SYNPR: variants seen among roughly 807,000 people sequenced by gnomAD.
SYNPR encodes synaptoporin.
A neutral mutation model predicts 32.9 loss-of-function variants in SYNPR; 23 were observed. The observed-to-expected ratio is 0.70, with a 90% CI of 0.50 to 0.99. The LOEUF is 0.99. Ranked by LOEUF, SYNPR falls within the 50% of genes least tolerant of loss-of-function variation. The pLI is 0.00. For synonymous variants in SYNPR, 146 were observed against 135.9 expected (o/e 1.07, Z -0.52); for missense variants, 318 against 349.3 (o/e 0.91, Z 0.71).
chr3:63,351,024 A>G (rs1457800133), intron 2 of SYNPR, among the ~76,000 whole-genome samples: 1 of 152,190 alleles, frequency 6.6e-6, no homozygotes, highest in Non-Finnish European at 1.5e-5. Context: ...CTTATCAGAC[A>G]TTATGCTTTC....
chr3:63,467,769 ACTGT>A (rs1239759425), intron 2 of SYNPR, among the ~76,000 whole-genome samples: 1 of 152,296 alleles, frequency 6.6e-6, no homozygotes, highest in East Asian at 1.9e-4. Context: ...CTGCCTTTTA[ACTGT>A]CTATTTTAGT....
intron 3 of SYNPR, among the ~76,000 whole-genome samples, chr3:63,519,287 A>G (rs1701861101): frequency 6.6e-6 from 1 of 152,194 alleles, no homozygotes; most frequent in African/African-American, 2.4e-5. Context: ...CTGGCACCAT[A>G]TAATTGTGAA....
upstream of SYNPR, among the ~76,000 whole-genome samples, chr3:63,225,752 T>C (rs1159268895): frequency 3.9e-5 from 6 of 152,104 alleles, no homozygotes; most frequent in African/African-American, 9.7e-5. Flanking sequence ...AGGCAAAGAT[T>C]TTATAGCAAA....
intron 2 of SYNPR, among the ~76,000 whole-genome samples, chr3:63,450,256 T>G (rs1700353971): frequency 6.6e-6 from 1 of 151,776 alleles, no homozygotes; most frequent in Admixed American, 6.6e-5. Flanking sequence ...GTAGAGAGAG[T>G]GCGGGTTTTG....
At chr3:63,458,533 G>T (rs1033127743) in intron 2 of SYNPR, among the ~76,000 whole-genome samples, 29 of 152,204 alleles carry the variant, frequency 1.9e-4, no homozygotes, top group African/African-American at 6.7e-4. Context: ...GCAATCACCA[G>T]GTTCTAAGCA....
At chr3:63,488,326 C>T (rs1701195052) in intron 3 of SYNPR, among the ~76,000 whole-genome samples, 2 of 152,268 alleles carry the variant, frequency 1.3e-5, no homozygotes, top group Admixed American at 1.3e-4. Flanking sequence ...TACAGTATCT[C>T]ATTCTAATGT....
At chr3:63,395,595 T>A (rs902285634) in intron 2 of SYNPR, among the ~76,000 whole-genome samples, 1 of 152,214 alleles carries the variant, frequency 6.6e-6, no homozygotes, top group Non-Finnish European at 1.5e-5. Context: ...CTAAGTAAGA[T>A]ACCTAAGGTC....
chr3:63,283,469 T>C (rs1315757184), intron 2 of SYNPR, among the ~76,000 whole-genome samples: 1 of 152,216 alleles, frequency 6.6e-6, no homozygotes, highest in Admixed American at 6.5e-5. Flanking sequence ...CTGACTCTGG[T>C]GGTCTTTTAC....
chr3:63,466,008 G>A (rs1221597738), intron 2 of SYNPR, among the ~76,000 whole-genome samples: 1 of 152,046 alleles, frequency 6.6e-6, no homozygotes, highest in Non-Finnish European at 1.5e-5. Context: ...CATCACCCAG[G>A]TGTTAACCCT....
the SYNPR span, among the ~76,000 whole-genome samples, chr3:63,205,118 C>T: frequency 6.6e-6 from 1 of 152,114 alleles, no homozygotes; most frequent in Non-Finnish European, 1.5e-5. Context: ...ATTCAACAGA[C>T]CTTGCCAGAC....
At chr3:63,499,439 T>C (rs1022842366) in intron 3 of SYNPR, among the ~76,000 whole-genome samples, 2 of 152,136 alleles carry the variant, frequency 1.3e-5, no homozygotes, top group African/African-American at 4.8e-5. Context: ...TTGGGGAATT[T>C]GCACCAAGAA....
At chr3:63,595,851 A>ATATATATAGTTATATATATATAATTT in intron 4 of SYNPR, among the ~76,000 whole-genome samples, 1 of 82,410 alleles carries the variant, frequency 1.2e-5, no homozygotes. Flanking sequence ...ATAGTTTTAT[A>ATATATATAGTTATATATATATAATTT]TATATATAGT....
chr3:63,415,089 AT>A (rs1328484107), intron 2 of SYNPR, among the ~76,000 whole-genome samples: 3 of 152,240 alleles, frequency 2.0e-5, no homozygotes, highest in East Asian at 1.9e-4. Flanking sequence ...TAACAAAAAA[AT>A]CATACATGCT....
At position 63,286,215 on chromosome 3, in the gene SYNPR, C is replaced by T. The variant is rs567828655; in HGVS notation, c.84+7473C>T. On this transcript the variant is annotated intron_variant, in intron 2 of 5. Transcript: ENST00000478300. ...GAATATTCACATTTCAAAGAAAATTCCAGCAAGGCCAGTATTGAACCTAAA... is the reference window on the plus strand; with the variant it reads ...GAATATTCACATTTCAAAGAAAATTTCAGCAAGGCCAGTATTGAACCTAAA... Among the ~76,000 whole-genome samples the T allele has an allele frequency of 4.5e-4, 69 of 152,244 alleles. 4 individuals are homozygous for T. In the South Asian group the frequency reaches 0.014, roughly 30 times the overall value.
In SYNPR at chr3:63,457,158, C is replaced by T. The variant is rs76238023; in HGVS notation, c.85-23674C>T. Among the ~76,000 whole-genome samples the T allele has an allele frequency of 8.4e-3, 1,283 of 152,130 alleles. 55 individuals are homozygous for T. In the East Asian group the frequency reaches 0.13, roughly 16 times the overall value. ...CCTCTCGGGAAGTTATCTGGTGCCACGATGCATACTTAAAATCCTCTTGTT... is the reference window on the plus strand; with the variant it reads ...CCTCTCGGGAAGTTATCTGGTGCCATGATGCATACTTAAAATCCTCTTGTT... On this transcript the variant is annotated intron_variant, in intron 2 of 5. Coordinates refer to ENST00000478300, the MANE Select transcript of SYNPR (RefSeq NM_001130003.2).
In SYNPR at chr3:63,520,605, G is replaced by A. The variant is rs148999177; in HGVS notation, c.210-35938G>A. Among the ~76,000 whole-genome samples, 513 of 151,738 alleles carry A rather than the reference G, an allele frequency of 3.4e-3. 1 individual carries two copies. Among genetic ancestry groups the A allele is most frequent in the Non-Finnish European group, 5.9e-3 (404 of 67,966 alleles). ...GAAGAATCGCTTGAACCCAGGAGGC[G>A]GAGGTTGCAGTGAGCTGAGATTGTG... On this transcript the variant is annotated intron_variant, in intron 3 of 5. Coordinates refer to ENST00000478300, the MANE Select transcript of SYNPR (RefSeq NM_001130003.2).
chr3:63,485,739 C>T (rs1701136033), intron 3 of SYNPR, among the ~76,000 whole-genome samples: 1 of 152,078 alleles, frequency 6.6e-6, no homozygotes, highest in Non-Finnish European at 1.5e-5. Flanking sequence ...CATTGAATGA[C>T]ATGATGATAA....
At chr3:63,324,723 CA>C (rs1332776983) in intron 2 of SYNPR, among the ~76,000 whole-genome samples, 1 of 152,098 alleles carries the variant, frequency 6.6e-6, no homozygotes, top group African/African-American at 2.4e-5. Flanking sequence ...AAGCTGCCTG[CA>C]GTGGAATCTG....
At chr3:63,222,319 C>T in the SYNPR span, among the ~76,000 whole-genome samples, 1 of 151,794 alleles carries the variant, frequency 6.6e-6, no homozygotes, top group African/African-American at 2.4e-5. Flanking sequence ...ATAAACTGAT[C>T]CAGAAGAGGC....
Sources: gnomAD v4.1 joint callset for allele counts (sites outside exome capture counted in the v4.1 genomes callset) on GRCh38, gnomAD v4.1.1 for gene constraint, MANE v1.5 for transcripts, NCBI Gene and HGNC (gene_info 2026-07-23, HGNC 2026-07-21) for gene names.